Variants in RNF150 observed in about 807,000 individuals in gnomAD.
The protein encoded by RNF150 is ring finger protein 150.
In RNF150, 24 loss-of-function variants were observed where a neutral mutation model predicts 39.3. The observed-to-expected ratio is 0.61, with a 90% CI of 0.44 to 0.86. The LOEUF (loss-of-function observed/expected upper bound fraction) is 0.86. RNF150 is among the 40% of genes least tolerant of loss of function. The pLI is 0.00. For missense variants in RNF150, 502 were observed against 587.8 expected (o/e 0.85, Z 1.51); for synonymous variants, 255 against 227.3 (o/e 1.12, Z -1.10).
In RNF150 at chr4:140,896,693, A is replaced by AAAC. The variant is rs1553989296; in HGVS notation, c.1198+14450_1198+14451insGTT. 3.1e-4 allele frequency among the ~76,000 whole-genome samples: 28 copies of AAAC among 89,016 alleles called. 3 individuals are homozygous for AAAC. The Admixed American group carries it at 3.2e-3, about 10-fold the overall frequency. The allele number at this position is 89,016 out of a possible 152,430, so 58.4% of individuals were successfully genotyped here. A position where few individuals can be genotyped will look rare whatever the true frequency, so the allele number is the denominator to read the frequency against. On this transcript the variant is annotated intron_variant, in intron 6 of 6. Transcript: ENST00000515673. Reference sequence around the variant, plus strand: ...CCTAAAACTTAGAGTATAATAAAAAAAAAAAAACAAAAAAACAAACAAACA... The same window carrying AAAC: ...CCTAAAACTTAGAGTATAATAAAAAAAACAAAAAAACAAAAAAACAAACAAACA...
chr4:141,115,624 A>T (rs915108116), intron 1 of RNF150, among the ~76,000 whole-genome samples: 2 of 152,230 alleles, frequency 1.3e-5, no homozygotes, highest in African/African-American at 4.8e-5. Flanking sequence ...TCTTCATAGA[A>T]TTAAAATAAA....
intron 6 of RNF150, among the ~76,000 whole-genome samples, chr4:140,903,705 C>G (rs1730272975): frequency 6.6e-6 from 1 of 152,140 alleles, no homozygotes; most frequent in Non-Finnish European, 1.5e-5. Context: ...ATGGTGCTAT[C>G]AATGAGTAAC....
chr4:141,176,207 T>G (rs1245401991), intron 1 of RNF150, among the ~76,000 whole-genome samples: 1 of 152,076 alleles, frequency 6.6e-6, no homozygotes, highest in Admixed American at 6.6e-5. Flanking sequence ...CTCTTGTGAT[T>G]CTTAAAACGG....
At chr4:140,934,835 A>G (rs1731774376) in intron 4 of RNF150, among the ~76,000 whole-genome samples, 1 of 151,532 alleles carries the variant, frequency 6.6e-6, no homozygotes, top group Admixed American at 6.6e-5. Context: ...CCCTGGGACC[A>G]ACTTCTTTGA....
intron 1 of RNF150, among the ~76,000 whole-genome samples, chr4:141,074,492 C>T (rs1286534741): frequency 6.6e-6 from 1 of 151,838 alleles, no homozygotes; most frequent in Non-Finnish European, 1.5e-5. Flanking sequence ...ACTGAAAAAC[C>T]AAACAGAGGA....
At chr4:141,148,708 T>C (rs759896546) in intron 1 of RNF150, among the ~76,000 whole-genome samples, 18 of 152,242 alleles carry the variant, frequency 1.2e-4, no homozygotes, top group Non-Finnish European at 2.5e-4. Flanking sequence ...CCCAAAGTGC[T>C]AGGATTACAG....
At chr4:140,982,267 T>TA (rs1226827070) in intron 1 of RNF150, among the ~76,000 whole-genome samples, 1 of 152,114 alleles carries the variant, frequency 6.6e-6, no homozygotes, top group East Asian at 1.9e-4. Context: ...GTCACCACCT[T>TA]ATTCATCATC....
intron 4 of RNF150, among the ~76,000 whole-genome samples, chr4:140,932,420 T>C (rs974741501): frequency 3.3e-5 from 5 of 152,178 alleles, no homozygotes; most frequent in Non-Finnish European, 7.4e-5. Flanking sequence ...ATTTCTGTCT[T>C]ATGGAAGAGA....
intron 4 of RNF150, among the ~76,000 whole-genome samples, chr4:140,945,554 CATAT>C (rs200359869): frequency 6.8e-6 from 1 of 147,408 alleles, no homozygotes; most frequent in African/African-American, 2.5e-5. Context: ...ATATACACTA[CATAT>C]ATATATACAT....
intron 6 of RNF150, among the ~76,000 whole-genome samples, chr4:140,886,977 G>A (rs1228707998): frequency 1.3e-5 from 2 of 152,120 alleles, no homozygotes; most frequent in Non-Finnish European, 2.9e-5. Flanking sequence ...AATGTATGGT[G>A]CAAAGTAGGA....
At chr4:140,879,370 A>G (rs991037115) in intron 6 of RNF150, among the ~76,000 whole-genome samples, 1 of 152,086 alleles carries the variant, frequency 6.6e-6, no homozygotes, top group Non-Finnish European at 1.5e-5. Context: ...TGAACATGTG[A>G]TATCTTTCCA....
At chr4:140,958,819 G>A (rs1455967432) in intron 2 of RNF150, among the ~76,000 whole-genome samples, 1 of 152,148 alleles carries the variant, frequency 6.6e-6, no homozygotes, top group Admixed American at 6.6e-5. Flanking sequence ...CTGGTGAGGA[G>A]AGAGAGGTCT....
At chr4:140,914,016 C>T (rs1730718052) in intron 5 of RNF150, among the ~76,000 whole-genome samples, 1 of 152,114 alleles carries the variant, frequency 6.6e-6, no homozygotes, top group African/African-American at 2.4e-5. Flanking sequence ...TTCTTTTGGC[C>T]ATAAATACGT....
At chr4:141,120,939 C>T (rs968979206) in intron 1 of RNF150, among the ~76,000 whole-genome samples, 5 of 152,168 alleles carry the variant, frequency 3.3e-5, no homozygotes, top group African/African-American at 1.2e-4. Flanking sequence ...GGAAGCTGAA[C>T]ACCAGCTAGA....
chr4:140,887,003 C>G (rs1326180829), intron 6 of RNF150, among the ~76,000 whole-genome samples: 1 of 152,076 alleles, frequency 6.6e-6, no homozygotes, highest in Non-Finnish European at 1.5e-5. Flanking sequence ...TCATTTTCCC[C>G]CAAAATTTTT....
At chr4:141,021,165 A>G (rs1279606673) in intron 1 of RNF150, among the ~76,000 whole-genome samples, 2 of 152,182 alleles carry the variant, frequency 1.3e-5, no homozygotes, top group Non-Finnish European at 2.9e-5. Context: ...GGGTGATCAG[A>G]TATCAGCCGG....
Position 140,973,734 on chromosome 4 carries a change from G to A in RNF150, c.485-5861C>T, listed in dbSNP as rs150657156. Among the ~76,000 whole-genome samples the A allele has an allele frequency of 1.6e-3, 250 of 151,932 alleles. 1 individual carries two copies. The highest frequency in any genetic ancestry group is 5.8e-3 in the African/African-American group (242 of 41,454). The stretch of plus-strand genomic sequence containing the variant: ...TCTACTAAAAATACAAAAATTAGAC[G>A]GGGATGGTGGCGTGTGCCTGTAATC... On this transcript the variant is annotated intron_variant, in intron 1 of 6. Transcript: ENST00000515673.
intron 1 of RNF150, among the ~76,000 whole-genome samples, chr4:141,103,082 C>T (rs1317548353): frequency 1.3e-5 from 2 of 152,158 alleles, no homozygotes; most frequent in Non-Finnish European, 2.9e-5. Context: ...AGCCTCTCCC[C>T]GTAACTGTGT....
chr4:140,962,651 T>G (rs1733087266), intron 2 of RNF150, among the ~76,000 whole-genome samples: 1 of 151,902 alleles, frequency 6.6e-6, no homozygotes, highest in African/African-American at 2.4e-5. Context: ...TTGTAAGCAG[T>G]CATCAAAGAA....
Sources: gnomAD v4.1 joint callset for allele counts (sites outside exome capture counted in the v4.1 genomes callset) on GRCh38, gnomAD v4.1.1 for gene constraint, MANE v1.5 for transcripts, NCBI Gene and HGNC (gene_info 2026-07-23, HGNC 2026-07-21) for gene names.